IFT122: variants seen among roughly 807,000 people sequenced by gnomAD.
IFT122 encodes the protein intraflagellar transport 122.
A neutral mutation model predicts 161.6 loss-of-function variants in IFT122; 118 were observed. The ratio of observed to expected loss-of-function variants is 0.73; its 90% CI spans 0.63 to 0.85. The LOEUF (loss-of-function observed/expected upper bound fraction) is 0.85, where lower values mean the gene tolerates loss of function less well. Among genes scored for constraint, IFT122 ranks in the 40% least tolerant of loss-of-function variants. IFT122 has a pLI of 0.00. For missense variants in IFT122, 1,381 were observed against 1,579.6 expected, an observed-to-expected ratio of 0.87 and a Z score of 2.13; for synonymous variants, 550 against 602.4, an observed-to-expected ratio of 0.91 and a Z score of 1.27.
chr3:129,477,942 T>C, intron 11 of IFT122, 74 bp from the exon 12 acceptor site: 2 of 1,276,700 alleles, frequency 1.6e-6, no homozygotes, highest in East Asian at 2.3e-5. Flanking sequence ...AAGTAAATGA[T>C]GGCTTTTAAT....
chr3:129,516,836 C>A (rs1393672136), intron 26 of IFT122, among the ~76,000 whole-genome samples: 3 of 135,942 alleles, frequency 2.2e-5, no homozygotes, highest in Non-Finnish European at 4.7e-5. Flanking sequence ...ACAGAGACTG[C>A]CCCTGCACAC....
chr3:129,442,711 T>A (rs1023998242), intron 1 of IFT122, among the ~76,000 whole-genome samples: 7 of 152,202 alleles, frequency 4.6e-5, no homozygotes, highest in Non-Finnish European at 8.8e-5. Context: ...GCAGGAACTC[T>A]GTTTTTTTAA....
chr3:129,476,644 C>G lies in IFT122; in HGVS notation c.1009-19C>G. The G allele has an allele frequency of 6.2e-7, 1 of 1,614,212 alleles. No homozygotes were observed. Among genetic ancestry groups the G allele is most frequent in the African/African-American group, 1.3e-5 (1 of 75,050 alleles). ...CTTTCTCCAGAGAGCTGGGAATTGA[C>G]AGTTCTCTCACCCCGCAGGTGGTCG... On this transcript the variant is annotated intron_variant, in intron 10 of 29. Transcript: ENST00000348417.
At chr3:129,480,032 C>G (rs1364064360) in intron 13 of IFT122, 110 bp downstream of exon 13, 6 of 1,337,684 alleles carry the variant, frequency 4.5e-6, no homozygotes, top group East Asian at 2.3e-5. Flanking sequence ...AAGGGCTTCT[C>G]TCCTCCATGG....
chr3:129,444,151 G>C (rs1301043480), intron 1 of IFT122, among the ~76,000 whole-genome samples: 1 of 152,208 alleles, frequency 6.6e-6, no homozygotes, highest in Admixed American at 6.5e-5. Context: ...TTGTAGGTGA[G>C]AATGAAAGCT....
chr3:129,510,100 G>A lies in IFT122; in HGVS notation c.2887-2212G>A, dbSNP rs550468554. Among the ~76,000 whole-genome samples the A allele has an allele frequency of 8.5e-5, 13 of 152,224 alleles. No individual in the cohort carries two copies. The South Asian group carries it at 2.7e-3, about 32-fold the overall frequency. On this transcript the variant is annotated intron_variant, in intron 23 of 29. Coordinates refer to ENST00000348417, the MANE Select transcript of IFT122 (RefSeq NM_052989.3). Reference sequence around the variant, plus strand: ...TTTTTTCAGAGATGAGGTCTCTGTCGCCCAAGGTGGAGTGCAGTGTCATGA... The same window carrying A: ...TTTTTTCAGAGATGAGGTCTCTGTCACCCAAGGTGGAGTGCAGTGTCATGA...
At chr3:129,457,732 GTT>G (rs971386664) in intron 3 of IFT122, among the ~76,000 whole-genome samples, 17 of 119,592 alleles carry the variant, frequency 1.4e-4, no homozygotes, top group East Asian at 2.6e-4. Context: ...CACAGGAATA[GTT>G]TTTTTTTTTT....
intron 17 of IFT122, among the ~76,000 whole-genome samples, chr3:129,493,973 C>T (rs1472596999): frequency 2.0e-5 from 3 of 152,196 alleles, no homozygotes; most frequent in Non-Finnish European, 4.4e-5. Flanking sequence ...CGACTGCCTG[C>T]AGACTTATTT....
intron 13 of IFT122, among the ~76,000 whole-genome samples, chr3:129,480,647 G>T (rs886299660): frequency 2.0e-5 from 3 of 152,126 alleles, no homozygotes; most frequent in Non-Finnish European, 2.9e-5. Context: ...AGGGGAGGAA[G>T]GGCCGCTTAT....
At chr3:129,518,045 C>T (rs988042049) in intron 27 of IFT122, among the ~76,000 whole-genome samples, 1 of 152,222 alleles carries the variant, frequency 6.6e-6, no homozygotes, top group Admixed American at 6.5e-5. Context: ...GGAGAGGAAG[C>T]TTCCTGGCCC....
intron 11 of IFT122, among the ~76,000 whole-genome samples, chr3:129,477,178 T>G (rs1028828652): frequency 3.3e-5 from 5 of 152,024 alleles, no homozygotes; most frequent in Non-Finnish European, 7.4e-5. Flanking sequence ...CACTCTGGGG[T>G]GCTTCTCCCT....
rs547691100 is a variant in IFT122 at position 129,458,699 on chromosome 3, T to C, written c.272+22T>C. ...ACACGTAAGTAACTTAGGTGTACAG[T>C]ATTATGAGTTTGATGCTTATTGAAT... On this transcript the variant is annotated intron_variant, in intron 4 of 29. Transcript: ENST00000348417. The C allele has an allele frequency of 6.8e-5, 104 of 1,539,892 alleles. No individual in the cohort carries two copies. In the Admixed American group the frequency reaches 1.1e-3, roughly 17 times the overall value.
intron 3 of IFT122, among the ~76,000 whole-genome samples, chr3:129,457,732 GTTTTTTTTT>G (rs971386664): frequency 1.7e-5 from 2 of 119,624 alleles, no homozygotes; most frequent in Non-Finnish European, 3.4e-5. Flanking sequence ...CACAGGAATA[GTTTTTTTTT>G]TTTTTTTTTT....
intron 15 of IFT122, chr3:129,487,967 C>G (rs2079511677): frequency 2.0e-6 from 1 of 490,598 alleles, no homozygotes; most frequent in African/African-American, 1.9e-5. Context: ...CAAAGGCATT[C>G]CAGGTGAGGG....
chr3:129,464,185 G>A (rs549929554), intron 6 of IFT122, among the ~76,000 whole-genome samples: 1 of 152,348 alleles, frequency 6.6e-6, no homozygotes, highest in South Asian at 2.1e-4. Context: ...TATTCTTGCT[G>A]TTCAGCTTCT....
At chr3:129,476,256 T>C (rs1294418287) in intron 9 of IFT122, 59 bp from the exon 10 acceptor site, 21 of 1,587,106 alleles carry the variant, frequency 1.3e-5, no homozygotes, top group Non-Finnish European at 1.7e-5. Flanking sequence ...CTTAATTGTA[T>C]TGCAATGGTT....
intron 1 of IFT122, among the ~76,000 whole-genome samples, chr3:129,448,665 A>G (rs1338645911): frequency 6.6e-6 from 1 of 152,034 alleles, no homozygotes; most frequent in Non-Finnish European, 1.5e-5. Flanking sequence ...CACCAGTGCA[A>G]GCTTCCAGCT....
intron 7 of IFT122, 52 bp downstream of exon 7, chr3:129,464,833 C>CT (rs1175956335): frequency 6.3e-7 from 1 of 1,595,876 alleles, no homozygotes; most frequent in East Asian, 2.2e-5. Flanking sequence ...TGAAGAAGGG[C>CT]TTTTTGTCTT....
chr3:129,511,195 C>T (rs1038449938), intron 23 of IFT122, among the ~76,000 whole-genome samples: 1 of 152,230 alleles, frequency 6.6e-6, no homozygotes, highest in East Asian at 1.9e-4. Context: ...CCCCTGCTAC[C>T]TATTCTCTCT....
Sources: gnomAD v4.1 joint callset for allele counts (sites outside exome capture counted in the v4.1 genomes callset) on GRCh38, gnomAD v4.1.1 for gene constraint, MANE v1.5 for transcripts, NCBI Gene and HGNC (gene_info 2026-07-23, HGNC 2026-07-21) for gene names.